Variants in DDX52 observed in about 807,000 individuals in gnomAD.
The protein encoded by DDX52 is probable ATP-dependent RNA helicase DDX52.
A neutral mutation model predicts 76.1 loss-of-function variants in DDX52; 59 were observed. The observed-to-expected ratio is 0.78, with a 90% CI of 0.63 to 0.96. DDX52 has a LOEUF of 0.96. DDX52 is among the 40% of genes least tolerant of loss of function. DDX52 has a pLI of 0.00. For synonymous variants in DDX52, 231 were observed against 244.1 expected (o/e 0.95, Z 0.50); for missense variants, 707 against 703.9 (o/e 1.00, Z -0.05).
At chr17:37,623,468 C>G (rs1286574357) in intron 9 of DDX52, among the ~76,000 whole-genome samples, 1 of 152,124 alleles carries the variant, frequency 6.6e-6, no homozygotes, top group Admixed American at 6.6e-5. Flanking sequence ...TCAAAAATAT[C>G]CTGACCCCAG....
intron 2 of DDX52, chr17:37,635,483 C>T: frequency 2.6e-6 from 1 of 390,734 alleles, no homozygotes; most frequent in Non-Finnish European, 5.1e-6. Context: ...TAATTTTTGT[C>T]TGGCTTCTTT....
At chr17:37,642,553 C>T (rs1281325783) in intron 1 of DDX52, among the ~76,000 whole-genome samples, 3 of 152,164 alleles carry the variant, frequency 2.0e-5, no homozygotes, top group Non-Finnish European at 1.5e-5. Flanking sequence ...CATGTTTATA[C>T]ATATTAAATT....
intron 5 of DDX52, among the ~76,000 whole-genome samples, chr17:37,629,286 T>A (rs951993403): frequency 2.0e-5 from 3 of 148,650 alleles, no homozygotes; most frequent in Non-Finnish European, 4.5e-5. Flanking sequence ...CATAGTACTA[T>A]TACAAGACTA....
chr17:37,642,581 C>G (rs1281845058), intron 1 of DDX52: 1 of 420,180 alleles, frequency 2.4e-6, no homozygotes, highest in African/African-American at 2.1e-5. Flanking sequence ...ATTTACAACT[C>G]TATAAGGTAA....
At chr17:37,619,995 T>C (rs974208569) in intron 12 of DDX52, 156 bp from the exon 13 acceptor site, 4 of 653,572 alleles carry the variant, frequency 6.1e-6, no homozygotes, top group Non-Finnish European at 7.8e-6. Context: ...TGTAAGCACA[T>C]TGGATTACAG....
intron 9 of DDX52, among the ~76,000 whole-genome samples, chr17:37,622,206 A>G (rs2030135953): frequency 6.6e-6 from 1 of 152,108 alleles, no homozygotes; most frequent in African/African-American, 2.4e-5. Flanking sequence ...AATCTAAACA[A>G]ATTATTTTTA....
chr17:37,631,850 T>A, intron 4 of DDX52: 1 of 502,060 alleles, frequency 2.0e-6, no homozygotes, highest in Non-Finnish European at 3.5e-6. Context: ...AAAATAAATG[T>A]TGCAAGGAAA....
At chr17:37,642,422 G>C in intron 1 of DDX52, 114 bp from the exon 2 acceptor site, 2 of 1,191,208 alleles carry the variant, frequency 1.7e-6, no homozygotes, top group South Asian at 2.8e-5. Flanking sequence ...AGTATCTGTC[G>C]AGCTAACAGG....
At chr17:37,626,589 CCTATTCCAAT>C (rs376557553) in intron 7 of DDX52, among the ~76,000 whole-genome samples, 189 bp downstream of exon 7, 224 of 152,288 alleles carry the variant, frequency 1.5e-3, no homozygotes, top group African/African-American at 5.2e-3. Context: ...GCTTAATGTA[CCTATTCCAAT>C]AGCCTCAAAG....
chr17:37,619,666 C>T (rs1195549059), intron 13 of DDX52, 102 bp downstream of exon 13: 1 of 993,200 alleles, frequency 1.0e-6, no homozygotes, highest in Non-Finnish European at 1.5e-6. Context: ...GAGCTGTGAT[C>T]ATGCCACTGC....
At chr17:37,639,086 A>C (rs2031065524) in intron 2 of DDX52, among the ~76,000 whole-genome samples, 1 of 152,068 alleles carries the variant, frequency 6.6e-6, no homozygotes, top group African/African-American at 2.4e-5. Context: ...ATTTTAAAAA[A>C]ACGTAATGCG....
At position 37,626,814 on chromosome 17, in the gene DDX52, T is replaced by C. The variant is rs376590831; in HGVS notation, c.906A>G (p.Gln302=). 6.8e-6 allele frequency: 11 copies of C among 1,611,736 alleles called. No homozygotes were observed. The East Asian group carries it at 1.1e-4, about 16-fold the overall frequency. The stretch of plus-strand genomic sequence containing the variant: ...TTGCTAGGTCGATTCCGGGGGGATC[T>C]TGCTTTAATAAATAGATTAGTCGAT... ...TPNRLIYLLK[Q]DPPGIDLASV... Residue 302 remains glutamine, a synonymous_variant, in exon 7 of 15, where the codon CAA becomes CAG. Coordinates refer to ENST00000617633, the MANE Select transcript of DDX52 (RefSeq NM_007010.5).
chr17:37,636,878 G>T (rs2030952947), intron 2 of DDX52, among the ~76,000 whole-genome samples: 1 of 152,174 alleles, frequency 6.6e-6, no homozygotes, highest in African/African-American at 2.4e-5. Context: ...AGAAACAATA[G>T]CCAACACCAC....
At chr17:37,618,736 C>T (rs376722184) in intron 13 of DDX52, among the ~76,000 whole-genome samples, 12 of 152,250 alleles carry the variant, frequency 7.9e-5, no homozygotes, top group East Asian at 1.9e-4. Flanking sequence ...CCGCCCGCCT[C>T]GGCCTCCCAA....
rs768440587 is a variant in DDX52 at position 37,625,940 on chromosome 17, C to T, written c.1091G>A (p.Cys364Tyr). 3 of 1,614,074 alleles carry T rather than the reference C, an allele frequency of 1.9e-6. No homozygotes were observed. The highest frequency in any genetic ancestry group is 2.7e-5 in the African/African-American group (2 of 75,018). Reference protein sequence around the residue: ...ATFAYDVEQWCKLNLDNVISV... With the variant: ...ATFAYDVEQWYKLNLDNVISV... The stretch of plus-strand genomic sequence containing the variant: ...GATGACATTGTCCAGGTTGAGTTTG[C>T]ACCACTGTTCAACATCATATGCAAA... The change falls in exon 8 of 15, where the codon TGC becomes TAC. Residue 364 changes from cysteine (C) to tyrosine (Y), a missense_variant. Coordinates refer to ENST00000617633, the MANE Select transcript of DDX52 (RefSeq NM_007010.5).
intron 2 of DDX52, among the ~76,000 whole-genome samples, chr17:37,641,735 C>CA (rs34083749): frequency 1.3e-3 from 188 of 139,334 alleles, no homozygotes; most frequent in African/African-American, 3.7e-3. Context: ...GACTCTGTCT[C>CA]AAAAAAAAAA....
intron 2 of DDX52, among the ~76,000 whole-genome samples, chr17:37,633,655 CAA>C (rs374530358): frequency 6.3e-4 from 51 of 80,652 alleles, no homozygotes; most frequent in Non-Finnish European, 6.4e-4. Flanking sequence ...AACCTTGTCT[CAA>C]AAAAAAAAAA....
chr17:37,637,356 C>A (rs1426441242), intron 2 of DDX52, among the ~76,000 whole-genome samples: 3 of 150,850 alleles, frequency 2.0e-5, no homozygotes, highest in Non-Finnish European at 3.0e-5. Context: ...GTTTCGAACT[C>A]CTAACCTCAG....
intron 3 of DDX52, 37 bp from the exon 4 acceptor site, chr17:37,632,335 C>T: frequency 6.2e-7 from 1 of 1,602,088 alleles, no homozygotes; most frequent in Non-Finnish European, 8.5e-7. Flanking sequence ...ATGGATATGG[C>T]CAAATAAATA....
Sources: gnomAD v4.1 joint callset for allele counts (sites outside exome capture counted in the v4.1 genomes callset) on GRCh38, gnomAD v4.1.1 for gene constraint, MANE v1.5 for transcripts, NCBI Gene and HGNC (gene_info 2026-07-23, HGNC 2026-07-21) for gene names.